Variants in NFIA observed in about 807,000 individuals in gnomAD.
The protein encoded by NFIA is nuclear factor I A.
A neutral mutation model predicts 62.8 loss-of-function variants in NFIA; 8 were observed. The observed-to-expected ratio is 0.13, with a 90% CI of 0.07 to 0.23. The LOEUF is 0.23. Among genes scored for constraint, NFIA ranks in the 10% least tolerant of loss-of-function variants. The pLI, the probability that NFIA is intolerant of heterozygous loss-of-function variation, is 1.00. For synonymous variants in NFIA, 235 were observed against 238.1 expected, an observed-to-expected ratio of 0.99 and a Z score of 0.12; for missense variants, 410 against 642.1, an observed-to-expected ratio of 0.64 and a Z score of 3.91.
At chr1:61,190,977 C>G (rs1277403050) in intron 2 of NFIA, among the ~76,000 whole-genome samples, 1 of 150,912 alleles carries the variant, frequency 6.6e-6, no homozygotes, top group Non-Finnish European at 1.5e-5. Context: ...CAAGACCAGA[C>G]ATGGGTTTTG....
chr1:61,376,070 G>C (rs1664136301), intron 6 of NFIA, among the ~76,000 whole-genome samples: 1 of 152,064 alleles, frequency 6.6e-6, no homozygotes, highest in South Asian at 2.1e-4. Flanking sequence ...CCTTCTCCTT[G>C]AAACACTTCT....
intron 2 of NFIA, among the ~76,000 whole-genome samples, chr1:61,207,469 C>T (rs1031361338): frequency 1.3e-5 from 2 of 152,070 alleles, no homozygotes; most frequent in African/African-American, 4.8e-5. Context: ...ATTCTAGCTA[C>T]GGGTGCCTTC....
intron 2 of NFIA, among the ~76,000 whole-genome samples, chr1:61,152,725 G>A (rs1354333337): frequency 6.6e-6 from 1 of 152,110 alleles, no homozygotes; most frequent in Non-Finnish European, 1.5e-5. Flanking sequence ...GTACACACAT[G>A]CAGAGATTGG....
intron 2 of NFIA, among the ~76,000 whole-genome samples, chr1:61,235,495 TAA>T (rs1171003382): frequency 3.5e-5 from 5 of 144,168 alleles, no homozygotes; most frequent in Non-Finnish European, 6.1e-5. Context: ...AATAAATAAA[TAA>T]ATAAATAAAA....
chr1:61,445,456 A>G (rs550391660), intron 10 of NFIA, among the ~76,000 whole-genome samples: 1 of 152,262 alleles, frequency 6.6e-6, no homozygotes, highest in South Asian at 2.1e-4. Flanking sequence ...CATAAAAAGC[A>G]TTTGCTGTTT....
At chr1:61,226,632 A>G (rs1654350597) in intron 2 of NFIA, among the ~76,000 whole-genome samples, 1 of 152,216 alleles carries the variant, frequency 6.6e-6, no homozygotes, top group Non-Finnish European at 1.5e-5. Context: ...TGCATTTGGC[A>G]ACCAACCCCT....
intron 2 of NFIA, among the ~76,000 whole-genome samples, chr1:61,231,692 T>C (rs1035126417): frequency 2.0e-5 from 3 of 152,172 alleles, no homozygotes; most frequent in African/African-American, 7.2e-5. Flanking sequence ...AAGCTGAGTA[T>C]AGTGGCACAT....
intron 2 of NFIA, among the ~76,000 whole-genome samples, chr1:61,232,340 A>G (rs1023751277): frequency 2.0e-5 from 3 of 152,184 alleles, no homozygotes; most frequent in African/African-American, 7.2e-5. Flanking sequence ...TTTTAACTAA[A>G]AGGGAAAATT....
intron 2 of NFIA, among the ~76,000 whole-genome samples, chr1:61,259,802 A>G (rs1656643626): frequency 6.6e-6 from 1 of 152,248 alleles, no homozygotes; most frequent in East Asian, 1.9e-4. Context: ...ATTTGGTAGA[A>G]AGCATTGGAT....
At chr1:61,130,713 C>T (rs1371069494) in intron 2 of NFIA, among the ~76,000 whole-genome samples, 1 of 152,128 alleles carries the variant, frequency 6.6e-6, no homozygotes, top group Admixed American at 6.5e-5. Flanking sequence ...ATTTAGGTTC[C>T]ACATACACTT....
chr1:61,166,329 T>C (rs1649562225), intron 2 of NFIA, among the ~76,000 whole-genome samples: 1 of 152,164 alleles, frequency 6.6e-6, no homozygotes, highest in South Asian at 2.1e-4. Flanking sequence ...TTGATGAGGA[T>C]GCCAAGTCCA....
chr1:61,095,298 T>C (rs1046787032), intron 2 of NFIA, among the ~76,000 whole-genome samples: 1 of 152,228 alleles, frequency 6.6e-6, no homozygotes, highest in African/African-American at 2.4e-5. Flanking sequence ...AGTCATATAT[T>C]GTAGCTTGCT....
intron 4 of NFIA, among the ~76,000 whole-genome samples, chr1:61,333,347 T>C (rs2100394457): frequency 6.6e-6 from 1 of 152,328 alleles, no homozygotes; most frequent in Admixed American, 6.5e-5. Flanking sequence ...TTCAGGTTCA[T>C]ACCCCCCATT....
intron 4 of NFIA, among the ~76,000 whole-genome samples, chr1:61,343,510 T>A (rs146008169): frequency 6.6e-6 from 1 of 152,364 alleles, no homozygotes; most frequent in Non-Finnish European, 1.5e-5. Context: ...TAAAAAATAT[T>A]CTACTGGCTT....
chr1:61,149,105 AGGCT>A (rs1452518933), intron 2 of NFIA, among the ~76,000 whole-genome samples: 1 of 147,816 alleles, frequency 6.8e-6, no homozygotes, highest in Non-Finnish European at 1.5e-5. Flanking sequence ...TATGTTGACC[AGGCT>A]GGTCTCGAAC....
chr1:61,209,095 T>A (rs1249079136), intron 2 of NFIA, among the ~76,000 whole-genome samples: 3 of 151,808 alleles, frequency 2.0e-5, no homozygotes, highest in Non-Finnish European at 2.9e-5. Context: ...TAAGGAAACC[T>A]GGAAACTAAA....
At chr1:61,443,335 A>T (rs1667669748) in intron 10 of NFIA, among the ~76,000 whole-genome samples, 1 of 152,160 alleles carries the variant, frequency 6.6e-6, no homozygotes, top group South Asian at 2.1e-4. Flanking sequence ...CATCCTCACA[A>T]GCACCATGCT....
At chr1:61,317,156 G>A (rs1261400459) in intron 3 of NFIA, among the ~76,000 whole-genome samples, 2 of 151,966 alleles carry the variant, frequency 1.3e-5, no homozygotes, top group Admixed American at 6.6e-5. Context: ...TTCAGCAAAC[G>A]AAAGTCTTTT....
chr1:61,386,159 A>G (rs756055855), intron 7 of NFIA, among the ~76,000 whole-genome samples: 1 of 152,178 alleles, frequency 6.6e-6, no homozygotes, highest in Non-Finnish European at 1.5e-5. Flanking sequence ...TGGAAAGCTA[A>G]TGCTTGGAAT....
Sources: allele counts gnomAD v4.1 joint callset (sites outside exome capture counted in the v4.1 genomes callset), GRCh38; gene constraint gnomAD v4.1.1; transcripts MANE v1.5; gene names NCBI Gene and HGNC (gene_info 2026-07-23, HGNC 2026-07-21).